Variants in EPS15 observed in about 807,000 individuals in gnomAD.
EPS15 encodes the protein epidermal growth factor receptor pathway substrate 15.
Under a neutral mutation model 113.8 loss-of-function variants are expected in EPS15, and 72 were observed. That is an observed-to-expected ratio of 0.63 (90% confidence interval 0.52 to 0.77). The LOEUF is 0.77. Ranked by LOEUF, EPS15 falls within the 30% of genes least tolerant of loss-of-function variation. The pLI, the probability that EPS15 is intolerant of heterozygous loss-of-function variation, is 0.00. For missense variants in EPS15, 1,048 were observed against 1,045.8 expected, an observed-to-expected ratio of 1.00 and a Z score of -0.03; for synonymous variants, 344 against 363.4, an observed-to-expected ratio of 0.95 and a Z score of 0.61.
intron 1 of EPS15, among the ~76,000 whole-genome samples, chr1:51,502,306 TTAGTA>T (rs1170542731): frequency 6.6e-6 from 1 of 152,130 alleles, no homozygotes; most frequent in African/African-American, 2.4e-5. Context: ...TTCTTCCTCA[TTAGTA>T]TAGTGGCAAA....
intron 1 of EPS15, among the ~76,000 whole-genome samples, chr1:51,497,287 T>A (rs1217694840): frequency 6.6e-6 from 1 of 152,214 alleles, no homozygotes; most frequent in Non-Finnish European, 1.5e-5. Context: ...ATTTCTTTTG[T>A]CATTCTCATC....
At chr1:51,389,888 G>A (rs2148398649) in intron 21 of EPS15, among the ~76,000 whole-genome samples, 1 of 152,290 alleles carries the variant, frequency 6.6e-6, no homozygotes, top group Non-Finnish European at 1.5e-5. Context: ...TGGCCATACT[G>A]CCCAAGGTAA....
intron 1 of EPS15, among the ~76,000 whole-genome samples, chr1:51,485,036 C>T (rs1644095450): frequency 6.6e-6 from 1 of 152,234 alleles, no homozygotes; most frequent in South Asian, 2.1e-4. Context: ...AAAGACATCA[C>T]TGTATCCAAT....
At chr1:51,385,674 A>C (rs1246337233) in intron 21 of EPS15, among the ~76,000 whole-genome samples, 1 of 151,748 alleles carries the variant, frequency 6.6e-6, no homozygotes, top group African/African-American at 2.4e-5. Context: ...TGAATGAACA[A>C]ATAAACAAAA....
rs1157861939 is a variant in EPS15 at position 51,356,539 on chromosome 1, G to A, written c.*161C>T. The A allele has an allele frequency of 5.5e-6, 3 of 546,002 alleles. No individual in the cohort carries two copies. The highest frequency in any genetic ancestry group is 4.0e-5 in the African/African-American group (2 of 49,672). 33.8% of individuals were successfully genotyped at this position (546,002 alleles called of 1,614,324 possible). ...AAGAAAAAAAAAAAAAGACGAATCT[G>A]TAATGAAGAAAAAAAAAAAATCCTA... is the stretch of plus-strand genomic sequence containing the variant. On this transcript the variant is annotated 3_prime_UTR_variant, in exon 25 of 25. Coordinates refer to ENST00000371733, the MANE Select transcript of EPS15 (RefSeq NM_001981.3).
chr1:51,489,546 G>A (rs1011238290), intron 1 of EPS15, among the ~76,000 whole-genome samples: 1 of 151,828 alleles, frequency 6.6e-6, no homozygotes, highest in Non-Finnish European at 1.5e-5. Context: ...TCAAACTCCT[G>A]GCCTCAGGTG....
chr1:51,389,785 A>C (rs1647207378), intron 21 of EPS15, among the ~76,000 whole-genome samples: 1 of 152,262 alleles, frequency 6.6e-6, no homozygotes, highest in Non-Finnish European at 1.5e-5. Flanking sequence ...TTCAAGGAGA[A>C]CTACAAACCA....
intron 7 of EPS15, 25 bp downstream of exon 7, chr1:51,463,648 C>T (rs747964090): frequency 1.2e-4 from 165 of 1,431,120 alleles, no homozygotes; most frequent in Non-Finnish European, 1.6e-4. Flanking sequence ...ATAAAAATTA[C>T]ATTTCGGAGT....
At chr1:51,499,798 T>C (rs1350100819) in intron 1 of EPS15, among the ~76,000 whole-genome samples, 7 of 152,226 alleles carry the variant, frequency 4.6e-5, no homozygotes, top group Non-Finnish European at 4.4e-5. Context: ...TTTTTTATTA[T>C]GGTAAAATAC....
intron 21 of EPS15, among the ~76,000 whole-genome samples, chr1:51,389,895 G>T (rs1647213177): frequency 1.3e-5 from 2 of 152,188 alleles, no homozygotes; most frequent in Non-Finnish European, 2.9e-5. Context: ...ACTGCCCAAG[G>T]TAATTTATAG....
chr1:51,376,836 C>T (rs1465847746), intron 21 of EPS15, among the ~76,000 whole-genome samples: 1 of 152,174 alleles, frequency 6.6e-6, no homozygotes, highest in African/African-American at 2.4e-5. Flanking sequence ...GTAATTTTGA[C>T]TTTCTAGTTT....
intron 1 of EPS15, among the ~76,000 whole-genome samples, chr1:51,510,196 C>T (rs2148564472): frequency 6.6e-6 from 1 of 152,338 alleles, no homozygotes; most frequent in Admixed American, 6.5e-5. Flanking sequence ...CCAATACACA[C>T]AAACACACGC....
Position 51,471,726 on chromosome 1 carries a change from T to G in EPS15, c.177A>C (p.Leu59Phe). ...GGATACCTTTGCCATCTGTGTCGGC[T>G]AAATCCCAAATCTGAAATTTAGGGG... ...PDLILGKIWDLADTDGKGILN... is the reference protein window; with the variant it reads ...PDLILGKIWDFADTDGKGILN... The change falls in exon 4 of 25, where the codon TTA becomes TTC. Residue 59 changes from leucine (L) to phenylalanine (F), a missense_variant. By Grantham distance (22) the Leu-to-Phe change is conservative. Transcript: ENST00000371733. The G allele has an allele frequency of 6.2e-7, 1 of 1,609,736 alleles. No individual in the cohort carries two copies. Among genetic ancestry groups the G allele is most frequent in the Non-Finnish European group, 8.5e-7 (1 of 1,176,650 alleles).
At chr1:51,406,188 C>G in intron 15 of EPS15, 80 bp from the exon 16 acceptor site, 1 of 1,201,124 alleles carries the variant, frequency 8.3e-7, no homozygotes, top group South Asian at 1.4e-5. Context: ...CCTCCACTTC[C>G]TGACGGGCTA....
chr1:51,372,922 C>T (rs547257977), intron 21 of EPS15: 4 of 748,762 alleles, frequency 5.3e-6, no homozygotes, highest in African/African-American at 1.8e-5. Flanking sequence ...AGCTGCCAAT[C>T]AACCACCAGA....
Position 51,440,375 on chromosome 1 carries a change from G to A in EPS15, c.1012C>T (p.Leu338Phe), listed in dbSNP as rs769606390. The A allele has an allele frequency of 5.0e-6, 8 of 1,587,016 alleles. No homozygotes were observed. Residue 338 changes from leucine (L) to phenylalanine (F), a missense_variant, in exon 12 of 25, where the codon CTT (leucine) becomes TTT (phenylalanine). Coordinates refer to ENST00000371733, the MANE Select transcript of EPS15 (RefSeq NM_001981.3). ...DFSAIKELDT[L>F]NNEIVDLQRE... is the part of the protein sequence containing the mutation. ...TGTAGGTCAACTATTTCATTGTTAA[G>A]AGTATCTAGTTCCTTAATAGCAGAG... is the stretch of plus-strand genomic sequence containing the variant.
At chr1:51,500,718 C>T (rs1265289851) in intron 1 of EPS15, among the ~76,000 whole-genome samples, 2 of 152,258 alleles carry the variant, frequency 1.3e-5, no homozygotes, top group Middle Eastern at 3.4e-3. Flanking sequence ...GGTGCAGTGG[C>T]TCACGTCTGT....
chr1:51,423,821 A>G (rs1650980192), intron 12 of EPS15: 1 of 607,606 alleles, frequency 1.6e-6, no homozygotes, highest in Admixed American at 6.3e-5. Context: ...GTGAAAATCC[A>G]AAACAGATTA....
At chr1:51,490,213 C>G (rs547500862) in intron 1 of EPS15, 1 of 414,070 alleles carries the variant, frequency 2.4e-6, no homozygotes, top group Non-Finnish European at 4.8e-6. Context: ...ACAAGATTCT[C>G]TAACACACAA....
Sources: allele counts gnomAD v4.1 joint callset (sites outside exome capture counted in the v4.1 genomes callset), GRCh38; gene constraint gnomAD v4.1.1; transcripts MANE v1.5; gene names NCBI Gene and HGNC (gene_info 2026-07-23, HGNC 2026-07-21).